GUCY1B1: variants seen among roughly 807,000 people sequenced by gnomAD.
GUCY1B1 encodes the protein guanylate cyclase soluble subunit beta-1.
Under a neutral mutation model 71.0 loss-of-function variants are expected in GUCY1B1, and 43 were observed. The ratio of observed to expected loss-of-function variants is 0.61; its 90% CI spans 0.47 to 0.78. The LOEUF is 0.78. Ranked by LOEUF, GUCY1B1 falls within the 30% of genes least tolerant of loss-of-function variation. The pLI is 0.00. For synonymous variants in GUCY1B1, 266 were observed against 259.7 expected, an observed-to-expected ratio of 1.02 and a Z score of -0.23; for missense variants, 535 against 754.1, an observed-to-expected ratio of 0.71 and a Z score of 3.40.
chr4:155,760,963 G>A (rs1429073085), intron 2 of GUCY1B1, among the ~76,000 whole-genome samples: 1 of 152,146 alleles, frequency 6.6e-6, no homozygotes, highest in Admixed American at 6.5e-5. Flanking sequence ...GTTACATGAT[G>A]GTGATTTCTC....
intron 5 of GUCY1B1, among the ~76,000 whole-genome samples, chr4:155,792,392 A>G (rs766858865): frequency 1.2e-4 from 18 of 152,202 alleles, no homozygotes; most frequent in Non-Finnish European, 2.2e-4. Flanking sequence ...CATCAAAAGT[A>G]GGCCTGTCAT....
chr4:155,797,318 A>T (rs981843226), intron 8 of GUCY1B1, among the ~76,000 whole-genome samples: 2 of 151,818 alleles, frequency 1.3e-5, no homozygotes, highest in African/African-American at 4.9e-5. Context: ...GAATTCCACC[A>T]TGATCACTTT....
intron 2 of GUCY1B1, chr4:155,772,454 GC>G (rs1737758080): frequency 2.7e-6 from 1 of 374,366 alleles, no homozygotes; most frequent in East Asian, 4.4e-5. Flanking sequence ...TGGCTCTGTT[GC>G]CCAGGCTGAA....
intron 6 of GUCY1B1, 87 bp downstream of exon 6, chr4:155,794,173 C>G: frequency 1.4e-6 from 1 of 711,596 alleles, no homozygotes; most frequent in Non-Finnish European, 2.4e-6. Context: ...TCATTTAACC[C>G]TCTGACTATG....
chr4:155,799,842 T>G, intron 8 of GUCY1B1, 35 bp from the exon 9 acceptor site: 2 of 1,332,458 alleles, frequency 1.5e-6, no homozygotes, highest in Non-Finnish European at 2.1e-6. Flanking sequence ...GTATATAAGT[T>G]GAGACTGATC....
At position 155,780,892 on chromosome 4, in the gene GUCY1B1, G is replaced by A. The variant is rs148445145; in HGVS notation, c.297+3250G>A. 2.0e-3 allele frequency among the ~76,000 whole-genome samples: 299 copies of A among 152,146 alleles called. 1 individual carries two copies. Among genetic ancestry groups the A allele is most frequent in the African/African-American group, 2.6e-3 (109 of 41,492 alleles). ...ATCTGTTGACACTTTTAAAATGGTC[G>A]TTCTGACATTTCCATTTTAAGCTTT... On this transcript the variant is annotated intron_variant, in intron 4 of 13. Coordinates refer to ENST00000264424, the MANE Select transcript of GUCY1B1 (RefSeq NM_000857.5).
intron 5 of GUCY1B1, among the ~76,000 whole-genome samples, chr4:155,791,178 G>T (rs149237936): frequency 0.05 from 7,489 of 150,252 alleles, 278 homozygotes; most frequent in Non-Finnish European, 0.072. Flanking sequence ...GCAGTGGCGC[G>T]ATCTCCGCTC....
chr4:155,776,635 A>G lies in GUCY1B1; in HGVS notation c.179-889A>G, dbSNP rs556496834. ...CAGCGAGCCGAGATCCTACCAGTGC[A>G]CTACAGCCTGGGCGACAAAGTGAGA... is the stretch of plus-strand genomic sequence containing the variant. On this transcript the variant is annotated intron_variant, in intron 3 of 13. Transcript: ENST00000264424. Among the ~76,000 whole-genome samples the G allele has an allele frequency of 6.4e-4, 98 of 152,260 alleles. 1 individual carries two copies. In the South Asian group the frequency reaches 0.016, roughly 25 times the overall value.
chr4:155,803,783 T>C lies in GUCY1B1; in HGVS notation c.1554+19T>C. On this transcript the variant is annotated intron_variant, in intron 11 of 13. Transcript: ENST00000264424. ...TGTTCAGGTTAGTAAATGAAGTAGA[T>C]ATTGTAATAATGGTATGTAAACCTT... The C allele has an allele frequency of 6.6e-7, 1 of 1,512,758 alleles. No individual in the cohort carries two copies. The highest frequency in any genetic ancestry group is 1.4e-5 in the African/African-American group (1 of 71,862). 93.7% of individuals were successfully genotyped at this position (1,512,758 alleles called of 1,614,324 possible).
At position 155,804,620 on chromosome 4, in the gene GUCY1B1, G is replaced by A. The variant is rs1012509869; in HGVS notation, c.1582G>A (p.Val528Ile). ...AACAATAGGGATACACACTGGAGAG[G>A]TAGTTACAGGTGTCATAGGACAGCG... ...QITIGIHTGE[V>I]VTGVIGQRMP... The change falls in exon 12 of 14, where the codon GTA (valine) becomes ATA (isoleucine). Residue 528 changes from valine to isoleucine, a missense_variant. By Grantham distance (29) the Val-to-Ile change is conservative. Transcript: ENST00000264424. The A allele has an allele frequency of 5.0e-6, 8 of 1,612,454 alleles. No individual in the cohort carries two copies. Among genetic ancestry groups the A allele is most frequent in the Non-Finnish European group, 6.8e-6 (8 of 1,178,654 alleles).
chr4:155,796,090 G>A (rs1481629774), intron 7 of GUCY1B1, among the ~76,000 whole-genome samples: 4 of 152,116 alleles, frequency 2.6e-5, no homozygotes, highest in African/African-American at 7.2e-5. Context: ...GAACCATACC[G>A]GAAAATCAGG....
chr4:155,774,854 A>G (rs932393594), intron 2 of GUCY1B1, 114 bp from the exon 3 acceptor site: 1 of 701,994 alleles, frequency 1.4e-6, no homozygotes, highest in African/African-American at 1.8e-5. Flanking sequence ...TTGCCCAAAA[A>G]AACCAAATTC....
chr4:155,759,466 G>T, intron 1 of GUCY1B1: 1 of 508,156 alleles, frequency 2.0e-6, no homozygotes, highest in Non-Finnish European at 3.4e-6. Flanking sequence ...GAGGCTGAGC[G>T]CCAGCGGAAG....
chr4:155,803,797 T>C, intron 11 of GUCY1B1, 33 bp downstream of exon 11: 2 of 1,407,102 alleles, frequency 1.4e-6, no homozygotes, highest in Non-Finnish European at 1.9e-6. Context: ...GTAATAATGG[T>C]ATGTAAACCT....
chr4:155,786,955 C>G (rs1031060390), intron 4 of GUCY1B1, among the ~76,000 whole-genome samples: 6 of 152,100 alleles, frequency 3.9e-5, no homozygotes, highest in African/African-American at 1.4e-4. Flanking sequence ...GGGCCTGACT[C>G]TATTAGAAAC....
At chr4:155,806,214 G>A (rs1388349724) in intron 13 of GUCY1B1, among the ~76,000 whole-genome samples, 172 bp from the exon 14 acceptor site, 1 of 152,076 alleles carries the variant, frequency 6.6e-6, no homozygotes, top group Non-Finnish European at 1.5e-5. Context: ...TCAAACATTG[G>A]TCATCTTAGT....
intron 10 of GUCY1B1, among the ~76,000 whole-genome samples, chr4:155,803,341 G>A (rs1444089884): frequency 6.6e-6 from 1 of 152,114 alleles, no homozygotes; most frequent in Non-Finnish European, 1.5e-5. Context: ...GAATTATAAA[G>A]TTATCTGAGG....
In GUCY1B1 at chr4:155,795,324, C is replaced by CTCTA; in HGVS notation, c.727-11_727-8dup. On this transcript the variant is annotated splice_polypyrimidine_tract_variant and intron_variant, in intron 6 of 13. Coordinates refer to ENST00000264424, the MANE Select transcript of GUCY1B1 (RefSeq NM_000857.5). ...TTTAACTGATGTGATACTCTTTGCTCTCTATCTATATTTTAGCTCCAGCCT... is the reference window on the plus strand; with the variant it reads ...TTTAACTGATGTGATACTCTTTGCTCTCTATCTATCTATATTTTAGCTCCAGCCT... The CTCTA allele has an allele frequency of 7.5e-7, 1 of 1,330,608 alleles. No homozygotes were observed. The highest frequency in any genetic ancestry group is 1.4e-5 in the African/African-American group (1 of 69,296). The allele number at this position is 1,330,608 out of a possible 1,614,324, so 82.4% of individuals were successfully genotyped here.
At chr4:155,777,453 T>C (rs1286804426) in intron 3 of GUCY1B1, 71 bp from the exon 4 acceptor site, 4 of 837,118 alleles carry the variant, frequency 4.8e-6, no homozygotes, top group African/African-American at 1.7e-5. Context: ...TAAACACTTA[T>C]CTTCATTTTT....
Sources: gnomAD v4.1 joint callset for allele counts (sites outside exome capture counted in the v4.1 genomes callset) on GRCh38, gnomAD v4.1.1 for gene constraint, MANE v1.5 for transcripts, NCBI Gene and HGNC (gene_info 2026-07-23, HGNC 2026-07-21) for gene names.